ARHGAP10: variants seen among roughly 807,000 people sequenced by gnomAD.
The protein encoded by ARHGAP10 is rho GTPase-activating protein 10.
A neutral mutation model predicts 108.6 loss-of-function variants in ARHGAP10; 87 were observed. The observed-to-expected ratio is 0.80, with a 90% CI of 0.67 to 0.96. ARHGAP10 has a LOEUF of 0.96. ARHGAP10 is among the 40% of genes least tolerant of loss of function. ARHGAP10 has a pLI of 0.00. For synonymous variants in ARHGAP10, 347 were observed against 341.1 expected (o/e 1.02, Z -0.19); for missense variants, 939 against 954.5 (o/e 0.98, Z 0.21).
At chr4:147,823,395 G>T (rs148724702) in intron 3 of ARHGAP10, among the ~76,000 whole-genome samples, 51 of 152,232 alleles carry the variant, frequency 3.4e-4, no homozygotes, top group African/African-American at 1.1e-3. Context: ...GAAAGGGAGA[G>T]AACTTGGGCC....
At chr4:148,058,050 G>T (rs1729438284) in intron 20 of ARHGAP10, among the ~76,000 whole-genome samples, 1 of 152,234 alleles carries the variant, frequency 6.6e-6, no homozygotes, top group Non-Finnish European at 1.5e-5. Flanking sequence ...CTTGCGTGTG[G>T]AGTTCTCCCT....
chr4:147,927,999 C>T (rs1016164269), intron 13 of ARHGAP10, among the ~76,000 whole-genome samples: 2 of 152,204 alleles, frequency 1.3e-5, no homozygotes, highest in African/African-American at 4.8e-5. Context: ...GAAAGAATAG[C>T]AACAAGTCTA....
chr4:147,867,023 G>T (rs928427880), intron 7 of ARHGAP10, among the ~76,000 whole-genome samples: 4 of 152,118 alleles, frequency 2.6e-5, no homozygotes, highest in Admixed American at 1.3e-4. Flanking sequence ...CCACCTGGCG[G>T]CTTTTCCTGC....
At chr4:147,938,056 T>G (rs1484032307) in intron 13 of ARHGAP10, among the ~76,000 whole-genome samples, 1 of 152,202 alleles carries the variant, frequency 6.6e-6, no homozygotes, top group Non-Finnish European at 1.5e-5. Context: ...ATCATGTCCT[T>G]TGCTGGGACA....
At position 147,843,429 on chromosome 4, in the gene ARHGAP10, C is replaced by T. The variant is rs182377185; in HGVS notation, c.313-3722C>T. 3.5e-4 allele frequency among the ~76,000 whole-genome samples: 53 copies of T among 151,814 alleles called. 1 individual carries two copies. The highest frequency in any genetic ancestry group is 1.1e-3 in the African/African-American group (46 of 41,076). On this transcript the variant is annotated intron_variant, in intron 3 of 22. Coordinates refer to ENST00000336498, the MANE Select transcript of ARHGAP10 (RefSeq NM_024605.4). ...TGTCAGTCATAAATCAACTCCAGCC[C>T]AGCCCTTTCTGCCACCTTGCCATGG...
chr4:147,952,529 A>C (rs1441396209), intron 15 of ARHGAP10, among the ~76,000 whole-genome samples: 1 of 152,018 alleles, frequency 6.6e-6, no homozygotes, highest in Admixed American at 6.6e-5. Context: ...ACTTTTTTCC[A>C]TGTGCTTATT....
At chr4:147,783,265 A>G (rs1487820086) in intron 1 of ARHGAP10, among the ~76,000 whole-genome samples, 4 of 144,410 alleles carry the variant, frequency 2.8e-5, no homozygotes, top group African/African-American at 1.0e-4. Context: ...GTATTGTATA[A>G]TTTATATAAC....
At chr4:147,788,649 G>T (rs1730994632) in intron 1 of ARHGAP10, among the ~76,000 whole-genome samples, 1 of 152,142 alleles carries the variant, frequency 6.6e-6, no homozygotes, top group South Asian at 2.1e-4. Context: ...GCGGTATTTG[G>T]TGTGTAGAAT....
chr4:147,986,904 C>T (rs1740064653), intron 18 of ARHGAP10, among the ~76,000 whole-genome samples: 2 of 152,202 alleles, frequency 1.3e-5, no homozygotes, highest in South Asian at 4.1e-4. Flanking sequence ...GAGGTGGATT[C>T]TTAAGCCCTA....
intron 18 of ARHGAP10, among the ~76,000 whole-genome samples, chr4:147,975,194 A>G (rs1285805596): frequency 6.6e-6 from 1 of 152,140 alleles, no homozygotes; most frequent in Non-Finnish European, 1.5e-5. Context: ...ATTGTGGTAG[A>G]ATGTGTCTTT....
intron 3 of ARHGAP10, among the ~76,000 whole-genome samples, chr4:147,831,759 G>A (rs6844257): frequency 0.012 from 1,848 of 152,256 alleles, 55 homozygotes; most frequent in African/African-American, 0.041. Context: ...GGAATGTACC[G>A]TTTGAGAGTT....
chr4:147,822,013 A>C (rs905922104), intron 1 of ARHGAP10, among the ~76,000 whole-genome samples: 1 of 152,208 alleles, frequency 6.6e-6, no homozygotes, highest in Non-Finnish European at 1.5e-5. Flanking sequence ...ATCTCTTGAG[A>C]ATTTTTGAAT....
chr4:147,823,002 G>GA (rs770049052), intron 3 of ARHGAP10, 45 bp downstream of exon 3: 37 of 1,556,338 alleles, frequency 2.4e-5, no homozygotes, highest in Non-Finnish European at 2.1e-5. Flanking sequence ...TTTCAAGGGG[G>GA]AAAAAAATCT....
intron 1 of ARHGAP10, among the ~76,000 whole-genome samples, chr4:147,760,536 T>TG (rs1729549609): frequency 1.3e-5 from 2 of 152,124 alleles, no homozygotes; most frequent in Admixed American, 6.6e-5. Context: ...TTTCTAAGTG[T>TG]GGGGTAGTCC....
intron 18 of ARHGAP10, among the ~76,000 whole-genome samples, chr4:148,009,346 G>A (rs1334148317): frequency 6.6e-6 from 1 of 152,074 alleles, no homozygotes; most frequent in African/African-American, 2.4e-5. Context: ...TGGCCAGTCT[G>A]GTCTCCAACT....
chr4:148,000,127 C>T (rs992332021), intron 18 of ARHGAP10, among the ~76,000 whole-genome samples: 10 of 152,096 alleles, frequency 6.6e-5, no homozygotes, highest in Middle Eastern at 3.4e-3. Flanking sequence ...TTCCTGTGTC[C>T]AAGTGTTCTC....
At chr4:148,026,169 A>G (rs1490279833) in intron 19 of ARHGAP10, among the ~76,000 whole-genome samples, 1 of 152,118 alleles carries the variant, frequency 6.6e-6, no homozygotes, top group Non-Finnish European at 1.5e-5. Context: ...GTGGTATGTT[A>G]TTTCTTCTTC....
intron 13 of ARHGAP10, among the ~76,000 whole-genome samples, chr4:147,919,202 TATAAC>T (rs924938632): frequency 1.3e-5 from 2 of 152,260 alleles, no homozygotes; most frequent in African/African-American, 4.8e-5. Flanking sequence ...ATTTTTAGTG[TATAAC>T]ATATCTTAAA....
At chr4:147,784,010 A>C (rs1730691343) in intron 1 of ARHGAP10, among the ~76,000 whole-genome samples, 1 of 138,740 alleles carries the variant, frequency 7.2e-6, no homozygotes, top group South Asian at 2.9e-4. Context: ...ACATTAAATT[A>C]TTATATAATT....
Sources: allele counts gnomAD v4.1 joint callset (sites outside exome capture counted in the v4.1 genomes callset), GRCh38; gene constraint gnomAD v4.1.1; transcripts MANE v1.5; gene names NCBI Gene and HGNC (gene_info 2026-07-23, HGNC 2026-07-21).